The following RPH3AL variants were observed in gnomAD, a reference collection of about 807,000 sequenced individuals.
RPH3AL encodes rabphilin 3A like (without C2 domains), also known as rab effector Noc2.
A neutral mutation model predicts 43.1 loss-of-function variants in RPH3AL; 38 were observed. The observed-to-expected ratio is 0.88, with a 90% CI of 0.68 to 1.15. The LOEUF (loss-of-function observed/expected upper bound fraction) is 1.15, where lower values mean the gene tolerates loss of function less well. RPH3AL is among the 50% of genes most tolerant of loss of function. RPH3AL has a pLI of 0.00. For synonymous variants in RPH3AL, 189 were observed against 176.3 expected (o/e 1.07, Z -0.57); for missense variants, 462 against 423.2 (o/e 1.09, Z -0.81).
In RPH3AL at chr17:245,284, C is replaced by T. The variant is rs1438541062; in HGVS notation, c.613+1827G>A. 2.5e-4 allele frequency among the ~76,000 whole-genome samples: 23 copies of T among 93,416 alleles called. No individual in the cohort carries two copies. Among genetic ancestry groups the T allele is most frequent in the South Asian group, 7.6e-4 (2 of 2,628 alleles). 61.3% of individuals were successfully genotyped at this position (93,416 alleles called of 152,430 possible). On this transcript the variant is annotated intron_variant, in intron 7 of 9. Coordinates refer to ENST00000331302, the MANE Select transcript of RPH3AL (RefSeq NM_006987.4). The surrounding 1 kb of genome is among the most constrained non-coding windows in gnomAD (Gnocchi z 5.9). ...GCACGTGGATGTCAGTGTGTGTGTA[C>T]GTGGGTGTGTGTGTGGATGTGTGTG...
At chr17:343,029 T>C (rs2045156907) in intron 1 of RPH3AL, among the ~76,000 whole-genome samples, 1 of 152,240 alleles carries the variant, frequency 6.6e-6, no homozygotes, top group Non-Finnish European at 1.5e-5. Flanking sequence ...TTATTCATAA[T>C]AAATTATTAT....
intron 1 of RPH3AL, among the ~76,000 whole-genome samples, chr17:337,493 G>A (rs559637456): frequency 2.6e-4 from 40 of 152,232 alleles, no homozygotes; most frequent in Middle Eastern, 3.4e-3. Flanking sequence ...TGCCACACAC[G>A]GGCTCTCTAC....
chr17:315,555 G>T (rs1555520084), intron 5 of RPH3AL, among the ~76,000 whole-genome samples: 42 of 46,656 alleles, frequency 9.0e-4, no homozygotes, highest in Admixed American at 2.6e-3. Flanking sequence ...TTGACCTGTA[G>T]TCCCTGTGCC....
chr17:348,547 AAAGT>A (rs1414045021), intron 1 of RPH3AL, among the ~76,000 whole-genome samples: 2 of 149,586 alleles, frequency 1.3e-5, no homozygotes, highest in South Asian at 2.1e-4. Flanking sequence ...AAAAAAAAAA[AAAGT>A]AAAGTGCTAC....
chr17:326,066 G>A (rs569798367), intron 3 of RPH3AL, among the ~76,000 whole-genome samples: 3 of 152,354 alleles, frequency 2.0e-5, no homozygotes, highest in South Asian at 2.1e-4. Context: ...GGGCCCTGTC[G>A]AGAGCACAGT....
chr17:352,609 A>G (rs1425784554), intron 1 of RPH3AL, 103 bp downstream of exon 1: 1 of 152,290 alleles, frequency 6.6e-6, no homozygotes, highest in African/African-American at 2.4e-5. Flanking sequence ...CCCGGAAGTT[A>G]GCAAAGTTCT....
intron 5 of RPH3AL, among the ~76,000 whole-genome samples, chr17:309,566 G>A (rs1402541757): frequency 1.6e-5 from 2 of 127,838 alleles, no homozygotes; most frequent in African/African-American, 2.8e-5. Context: ...GATATGGCAC[G>A]TCCCCTGCCC....
Position 321,582 on chromosome 17 carries a change from T to TGGCCCAGGTGGCAACAGAGAC in RPH3AL, c.78-188_78-168dup, listed in dbSNP as rs547749190. On this transcript the variant is annotated intron_variant, in intron 3 of 9. Coordinates refer to ENST00000331302, the MANE Select transcript of RPH3AL (RefSeq NM_006987.4). Reference sequence around the variant, plus strand: ...GAGATGGCCCAGGTGGCAACAGAGATGGCCCAGGTGGCAACAGAGACGGCC... The same window carrying TGGCCCAGGTGGCAACAGAGAC: ...GAGATGGCCCAGGTGGCAACAGAGATGGCCCAGGTGGCAACAGAGACGGCCCAGGTGGCAACAGAGACGGCC... 2.4e-3 allele frequency: 1,340 copies of TGGCCCAGGTGGCAACAGAGAC among 552,134 alleles called. 6 individuals are homozygous for TGGCCCAGGTGGCAACAGAGAC. Among genetic ancestry groups the TGGCCCAGGTGGCAACAGAGAC allele is most frequent in the African/African-American group, 0.018 (685 of 37,814 alleles). The allele number at this position is 552,134 out of a possible 1,614,324, so 34.2% of individuals were successfully genotyped here.
At chr17:219,511 C>CTTTTG (rs1407389317) in intron 8 of RPH3AL, 112 bp downstream of exon 8, 3 of 334,848 alleles carry the variant, frequency 9.0e-6, no homozygotes, top group Admixed American at 4.5e-5. Context: ...AGTTTCATTT[C>CTTTTG]TTTTCTTTTT....
chr17:294,023 G>A (rs1459508472), intron 5 of RPH3AL, among the ~76,000 whole-genome samples: 1 of 151,750 alleles, frequency 6.6e-6, no homozygotes, highest in African/African-American at 2.4e-5. Flanking sequence ...GCAAGACTCG[G>A]TCTCAAAAAA....
chr17:228,074 T>G (rs1293312103), intron 7 of RPH3AL, among the ~76,000 whole-genome samples: 1 of 151,834 alleles, frequency 6.6e-6, no homozygotes, highest in African/African-American at 2.4e-5. Context: ...CTGAGATGTC[T>G]CCCAAGGCTG....
rs111300066 is a variant in RPH3AL, at chr17:304,465, C to T, written c.351+14955G>A. ...AACTAGTAAGACCAAGAGAAGCTAA[C>T]TCATTAAAGTCTGTAATCTGCTGAG... On this transcript the variant is annotated intron_variant, in intron 5 of 9. Coordinates refer to ENST00000331302, the MANE Select transcript of RPH3AL (RefSeq NM_006987.4). Among the ~76,000 whole-genome samples the T allele has an allele frequency of 2.6e-3, 403 of 152,260 alleles. 3 individuals are homozygous for T. Among genetic ancestry groups the T allele is most frequent in the African/African-American group, 8.5e-3 (354 of 41,538 alleles).
chr17:302,240 C>A (rs1299750338), intron 5 of RPH3AL, among the ~76,000 whole-genome samples: 1 of 152,208 alleles, frequency 6.6e-6, no homozygotes, highest in East Asian at 1.9e-4. Flanking sequence ...AGTCTCTCGT[C>A]CAGCCTTTGC....
At position 326,551 on chromosome 17, in the gene RPH3AL, T is replaced by C. The variant is rs566907236; in HGVS notation, c.77+916A>G. Reference sequence around the variant, plus strand: ...CACAGTCGGTGGAGATGGCCTGACCTACCCAGAGCTGAGAGGTCACTAGGC... The same window carrying C: ...CACAGTCGGTGGAGATGGCCTGACCCACCCAGAGCTGAGAGGTCACTAGGC... On this transcript the variant is annotated intron_variant, in intron 3 of 9. Coordinates refer to ENST00000331302, the MANE Select transcript of RPH3AL (RefSeq NM_006987.4). Among the ~76,000 whole-genome samples, 14 of 152,144 alleles carry C rather than the reference T, an allele frequency of 9.2e-5. No individual in the cohort carries two copies. In the East Asian group the frequency reaches 2.7e-3, roughly 29 times the overall value.
At position 262,276 on chromosome 17, in the gene RPH3AL, C is replaced by T. The variant is rs566479852; in HGVS notation, c.439-14991G>A. Among the ~76,000 whole-genome samples, 94 of 152,064 alleles carry T rather than the reference C, an allele frequency of 6.2e-4. 1 individual carries two copies. In the South Asian group the frequency reaches 7.5e-3, roughly 12 times the overall value. ...CTCTGTCACCCAGGCTGGAGTGCAG[C>T]GGCACAATCTCGGCTCACTGCAACC... On this transcript the variant is annotated intron_variant, in intron 6 of 9. Coordinates refer to ENST00000331302, the MANE Select transcript of RPH3AL (RefSeq NM_006987.4).
At chr17:339,084 C>T (rs1040813727) in intron 1 of RPH3AL, 1 of 152,426 alleles carries the variant, frequency 6.6e-6, no homozygotes, top group Non-Finnish European at 1.5e-5. Context: ...CAGCCAAGGC[C>T]ATCCCCGGCT....
At position 269,035 on chromosome 17, in the gene RPH3AL, C is replaced by T. The variant is rs964063440; in HGVS notation, c.438+12733G>A. ...CTGGGACTACAGGCGCCCGCCACCACGCCTGGCTAATTTTTTGTATTTTTA... is the reference window on the plus strand; with the variant it reads ...CTGGGACTACAGGCGCCCGCCACCATGCCTGGCTAATTTTTTGTATTTTTA... On this transcript the variant is annotated intron_variant, in intron 6 of 9. Transcript: ENST00000331302. 5.7e-4 allele frequency among the ~76,000 whole-genome samples: 87 copies of T among 152,234 alleles called. 1 individual carries two copies. Among genetic ancestry groups the T allele is most frequent in the African/African-American group, 1.3e-3 (55 of 41,532 alleles).
At chr17:325,301 C>G (rs775451794) in intron 3 of RPH3AL, among the ~76,000 whole-genome samples, 1 of 152,198 alleles carries the variant, frequency 6.6e-6, no homozygotes. Context: ...CACATTATTA[C>G]GAGACAACAT....
intron 5 of RPH3AL, among the ~76,000 whole-genome samples, chr17:318,797 T>G (rs1411271375): frequency 6.6e-6 from 1 of 152,228 alleles, no homozygotes; most frequent in African/African-American, 2.4e-5. Flanking sequence ...AAAATCAATT[T>G]GATCTCCCTG....
Sources: allele counts gnomAD v4.1 joint callset (sites outside exome capture counted in the v4.1 genomes callset), GRCh38; gene constraint gnomAD v4.1.1; non-coding constraint Gnocchi (gnomAD v3.1); transcripts MANE v1.5; gene names NCBI Gene and HGNC (gene_info 2026-07-23, HGNC 2026-07-21).